Variants in PHLDB2 observed in about 807,000 individuals in gnomAD.
PHLDB2 encodes pleckstrin homology like domain family B member 2.
A neutral mutation model predicts 123.6 loss-of-function variants in PHLDB2; 71 were observed. The ratio of observed to expected loss-of-function variants is 0.57; its 90% CI spans 0.47 to 0.70. PHLDB2 has a LOEUF of 0.70. Ranked by LOEUF, PHLDB2 falls within the 30% of genes least tolerant of loss-of-function variation. The pLI, the probability that PHLDB2 is intolerant of heterozygous loss-of-function variation, is 0.00. For synonymous variants in PHLDB2, 547 were observed against 541.6 expected, an observed-to-expected ratio of 1.01 and a Z score of -0.14; for missense variants, 1,446 against 1,519.5, an observed-to-expected ratio of 0.95 and a Z score of 0.80.
intron 1 of PHLDB2, chr3:111,859,834 C>T: frequency 1.0e-6 from 1 of 985,908 alleles, no homozygotes; most frequent in South Asian, 4.7e-5. Context: ...GGCGCTAGGG[C>T]GGCGGCGCCA....
At chr3:111,885,738 C>G in intron 2 of PHLDB2, 2 of 608,606 alleles carry the variant, frequency 3.3e-6, no homozygotes, top group Non-Finnish European at 5.8e-6. Flanking sequence ...CTCTTTAAGA[C>G]TATGAGGAAA....
At chr3:111,840,392 G>T (rs2063629433) in intron 1 of PHLDB2, among the ~76,000 whole-genome samples, 1 of 151,992 alleles carries the variant, frequency 6.6e-6, no homozygotes, top group African/African-American at 2.4e-5. Context: ...AATCATCCTT[G>T]CATTCCAGAA....
At chr3:111,772,635 T>C (rs996885757) in intron 1 of PHLDB2, among the ~76,000 whole-genome samples, 2 of 152,218 alleles carry the variant, frequency 1.3e-5, no homozygotes, top group Non-Finnish European at 2.9e-5. Context: ...TAGCCAAGTC[T>C]AAATTATCTT....
intron 5 of PHLDB2, among the ~76,000 whole-genome samples, chr3:111,925,124 C>G (rs993474219): frequency 1.3e-5 from 2 of 152,178 alleles, no homozygotes; most frequent in African/African-American, 4.8e-5. Flanking sequence ...CCACCAAGCC[C>G]AGACATCAGC....
chr3:111,778,166 A>T (rs55809361), intron 1 of PHLDB2: 2 of 151,856 alleles, frequency 1.3e-5, no homozygotes, highest in Non-Finnish European at 2.9e-5. Flanking sequence ...CCAAGACGTC[A>T]GAATGTGACC....
In PHLDB2 at chr3:111,846,444, G is replaced by A. The variant is rs184221127; in HGVS notation, c.67+509G>A. ...CAAACAGAATAAATAGGCTTATAAA[G>A]TGTATATATTCCTCATTATTTTTTA... On this transcript the variant is annotated intron_variant, in intron 2 of 17. Coordinates refer to the PHLDB2 transcript ENST00000393923. 2.0e-4 allele frequency: 31 copies of A among 156,058 alleles called. No individual in the cohort carries two copies. In the East Asian group the frequency reaches 5.6e-3, roughly 28 times the overall value. The allele number at this position is 156,058 out of a possible 1,614,324, so 9.7% of individuals were successfully genotyped here.
chr3:111,893,993 C>G (rs1358573644), intron 2 of PHLDB2, among the ~76,000 whole-genome samples: 3 of 146,686 alleles, frequency 2.0e-5, no homozygotes, highest in Non-Finnish European at 3.0e-5. Context: ...ATGTGCCATG[C>G]TGGTGTGCTG....
At chr3:111,757,858 G>C (rs1012619792) in intron 1 of PHLDB2, among the ~76,000 whole-genome samples, 1 of 152,160 alleles carries the variant, frequency 6.6e-6, no homozygotes, top group Non-Finnish European at 1.5e-5. Context: ...GAGTTTGCTA[G>C]AAGTCCACTC....
At chr3:111,896,351 T>C (rs2107411744) in intron 2 of PHLDB2, among the ~76,000 whole-genome samples, 1 of 74,566 alleles carries the variant, frequency 1.3e-5, no homozygotes, top group South Asian at 5.3e-4. Context: ...TTCTTTTTTC[T>C]TCCCCCGCCC....
chr3:111,751,024 A>G (rs1355601396), intron 1 of PHLDB2, among the ~76,000 whole-genome samples: 1 of 152,116 alleles, frequency 6.6e-6, no homozygotes, highest in Non-Finnish European at 1.5e-5. Flanking sequence ...AGAGCCCCCA[A>G]ACTGTGTTTT....
At chr3:111,971,601 G>C (rs539409435) in intron 16 of PHLDB2, among the ~76,000 whole-genome samples, 1 of 152,258 alleles carries the variant, frequency 6.6e-6, no homozygotes, top group African/African-American at 2.4e-5. Flanking sequence ...GTTCGGTTCT[G>C]TTTACGGCCA....
At chr3:111,929,103 T>TA (rs2068967975) in intron 5 of PHLDB2, among the ~76,000 whole-genome samples, 1 of 151,986 alleles carries the variant, frequency 6.6e-6, no homozygotes, top group African/African-American at 2.4e-5. Flanking sequence ...TCTCTTCAGA[T>TA]AAAAAATAAA....
intron 5 of PHLDB2, among the ~76,000 whole-genome samples, chr3:111,930,363 T>C (rs1010706067): frequency 1.3e-5 from 2 of 151,964 alleles, no homozygotes; most frequent in Non-Finnish European, 2.9e-5. Flanking sequence ...AAGATAACTT[T>C]AAATTTTAGG....
Position 111,913,231 on chromosome 3 carries a change from C to A in PHLDB2, c.1336-88C>A, listed in dbSNP as rs1247482805. ...GGGTTTATGTATGGAATGCAAGCAC[C>A]AGTTGTCCCAGCCTCTTCAGTCTTT... is the stretch of plus-strand genomic sequence containing the variant. On this transcript the variant is annotated intron_variant, in intron 2 of 17. Coordinates refer to ENST00000431670, the MANE Select transcript of PHLDB2 (RefSeq NM_001134438.2). The A allele has an allele frequency of 1.1e-5, 15 of 1,380,098 alleles. No homozygotes were observed. The African/African-American group carries it at 2.2e-4, about 20-fold the overall frequency. 85.5% of individuals were successfully genotyped at this position (1,380,098 alleles called of 1,614,324 possible). A position where few individuals can be genotyped will look rare whatever the true frequency, so the allele number is the denominator to read the frequency against.
intron 1 of PHLDB2, among the ~76,000 whole-genome samples, chr3:111,836,595 T>A (rs4396866): frequency 0.041 from 6,218 of 152,132 alleles, 354 homozygotes; most frequent in East Asian, 0.23. Flanking sequence ...CTCGTATTAG[T>A]CCATTTTCAC....
At chr3:111,924,817 C>T (rs1406452706) in intron 5 of PHLDB2, among the ~76,000 whole-genome samples, 1 of 152,124 alleles carries the variant, frequency 6.6e-6, no homozygotes, top group Non-Finnish European at 1.5e-5. Context: ...GAATGCCTCC[C>T]CATTCAAATC....
chr3:111,809,094 T>C (rs1433313633), intron 1 of PHLDB2, among the ~76,000 whole-genome samples: 6 of 152,218 alleles, frequency 3.9e-5, no homozygotes, highest in Non-Finnish European at 7.3e-5. Context: ...AAATAAATTA[T>C]TGTTCTTCAC....
At chr3:111,970,927 G>T (rs763539419) in intron 16 of PHLDB2, among the ~76,000 whole-genome samples, 2 of 152,202 alleles carry the variant, frequency 1.3e-5, no homozygotes, top group Non-Finnish European at 2.9e-5. Flanking sequence ...AAACCAAGCA[G>T]CCTGTGGAAG....
intron 1 of PHLDB2, among the ~76,000 whole-genome samples, chr3:111,758,692 G>A (rs1217203593): frequency 1.3e-5 from 2 of 152,332 alleles, no homozygotes; most frequent in African/African-American, 4.8e-5. Context: ...CCCATCTTCT[G>A]TGTGGCTCAC....
Sources: allele counts gnomAD v4.1 joint callset (sites outside exome capture counted in the v4.1 genomes callset), GRCh38; gene constraint gnomAD v4.1.1; transcripts MANE v1.5; gene names NCBI Gene and HGNC (gene_info 2026-07-23, HGNC 2026-07-21).